Variants in STON1 observed in about 807,000 individuals in gnomAD.
STON1 encodes stonin 1.
A neutral mutation model predicts 60.9 loss-of-function variants in STON1; 79 were observed. The ratio of observed to expected loss-of-function variants is 1.30; its 90% confidence interval spans 1.08 to 1.56. The LOEUF (loss-of-function observed/expected upper bound fraction) is 1.56, where lower values mean the gene tolerates loss of function less well. Ranked by LOEUF, STON1 falls within the 40% of genes most tolerant of loss-of-function variation. STON1 has a pLI of 0.00. For missense variants in STON1, 1,166 were observed against 858.9 expected (o/e 1.36, Z -4.47); for synonymous variants, 363 against 306.9 (o/e 1.18, Z -1.91).
rs779755824 is a variant in STON1 at position 48,581,197 on chromosome 2, A to G, written c.564A>G (p.Lys188=). Residue 188 remains lysine (K), a synonymous_variant, in exon 2 of 4, where the codon AAA becomes AAG. Coordinates refer to ENST00000404752, the MANE Select transcript of STON1 (RefSeq NM_006873.4). The part of the protein sequence containing the change: ...EDCAFSSPFW[K]DEGSDSHFTL... ...GTGCTTTTTCAAGTCCATTTTGGAA[A>G]GATGAAGGCAGTGATTCCCATTTCA... 1 of 1,527,272 alleles carries G rather than the reference A, an allele frequency of 6.5e-7. No individual in the cohort carries two copies. Among genetic ancestry groups the G allele is most frequent in the Admixed American group, 2.2e-5 (1 of 44,856 alleles). The allele number at this position is 1,527,272 out of a possible 1,614,324, so 94.6% of individuals were successfully genotyped here. A position where few individuals can be genotyped will look rare whatever the true frequency, so the allele number is the denominator to read the frequency against.
intron 1 of STON1, among the ~76,000 whole-genome samples, chr2:48,554,424 C>A (rs943036820): frequency 1.3e-5 from 2 of 151,776 alleles, no homozygotes; most frequent in South Asian, 2.1e-4. Flanking sequence ...GGTTTTACCA[C>A]GTTGGCCAGG....
At chr2:48,583,746 T>C (rs1259794599) in intron 2 of STON1, among the ~76,000 whole-genome samples, 6 of 148,062 alleles carry the variant, frequency 4.1e-5, no homozygotes, top group Non-Finnish European at 7.5e-5. Context: ...GATCCAAATC[T>C]TTTTTTTCTT....
chr2:48,577,019 A>G (rs1017629106), intron 1 of STON1, among the ~76,000 whole-genome samples: 9 of 150,548 alleles, frequency 6.0e-5, no homozygotes, highest in Admixed American at 1.3e-4. Flanking sequence ...GCGCCACTGC[A>G]CTCCAGCCTG....
chr2:48,557,949 G>A (rs1672451897), intron 1 of STON1, among the ~76,000 whole-genome samples: 1 of 152,220 alleles, frequency 6.6e-6, no homozygotes, highest in Admixed American at 6.5e-5. Context: ...TCTGTCAGGT[G>A]CGGTGGCTCA....
rs1289431052 is a variant in STON1 at position 48,564,569 on chromosome 2, CCTT to C, written c.-47-16015_-47-16013del. 3.4e-3 allele frequency among the ~76,000 whole-genome samples: 123 copies of C among 36,468 alleles called. 15 individuals are homozygous for C. The highest frequency in any genetic ancestry group is 0.012 in the African/African-American group (110 of 9,046). The allele number at this position is 36,468 out of a possible 152,430, so 23.9% of individuals were successfully genotyped here. ...TTCTTCTTCTTCTTCTTCTTCTTCT[CCTT>C]CTCCTTCTCCTCCTCCTCCTCCTCC... On this transcript the variant is annotated intron_variant, in intron 1 of 3. Coordinates refer to ENST00000404752, the MANE Select transcript of STON1 (RefSeq NM_006873.4).
In STON1 at chr2:48,581,488, G is replaced by A. The variant is rs748181439; in HGVS notation, c.855G>A (p.Lys285=). The A allele has an allele frequency of 5.6e-6, 9 of 1,614,108 alleles. No individual in the cohort carries two copies. The African/African-American group carries it at 1.1e-4, about 19-fold the overall frequency. ...CTTTCATGCTGAGAATTCCTGAGAA[G>A]AAGAATATGATGTCTTCCCGGCAAT... ...GWSFMLRIPE[K]KNMMSSRQWG... is the part of the protein sequence containing the mutation. Residue 285 remains lysine (K), a synonymous_variant, in exon 2 of 4, where the codon AAG becomes AAA. Transcript: ENST00000404752.
At chr2:48,553,470 C>G (rs1032177819) in intron 1 of STON1, among the ~76,000 whole-genome samples, 3 of 150,174 alleles carry the variant, frequency 2.0e-5, no homozygotes, top group East Asian at 2.0e-4. Context: ...TGTTTTTTTC[C>G]TGTCCTGTCC....
intron 1 of STON1, among the ~76,000 whole-genome samples, chr2:48,535,505 G>A (rs1451654826): frequency 6.6e-6 from 1 of 152,164 alleles, no homozygotes; most frequent in Non-Finnish European, 1.5e-5. Flanking sequence ...AGAAGGATCA[G>A]CATTCTTAGA....
intron 2 of STON1, among the ~76,000 whole-genome samples, chr2:48,583,273 G>C (rs1332908258): frequency 6.6e-6 from 1 of 152,022 alleles, no homozygotes; most frequent in African/African-American, 2.4e-5. Context: ...TTTTTTAGTA[G>C]AGACGGGGTC....
At chr2:48,591,972 T>G (rs1320857978) in intron 3 of STON1, 117 bp downstream of exon 3, 14 of 1,381,546 alleles carry the variant, frequency 1.0e-5, no homozygotes, top group Middle Eastern at 1.9e-4. Flanking sequence ...AGATTTGCCC[T>G]AGAGAGGATC....
intron 1 of STON1, among the ~76,000 whole-genome samples, chr2:48,578,683 G>A (rs1351273111): frequency 6.8e-6 from 1 of 147,692 alleles, no homozygotes; most frequent in Admixed American, 6.9e-5. Context: ...CCTCCTCTCA[G>A]GTTCAAGCAA....
chr2:48,562,373 T>C (rs188765050), intron 1 of STON1, among the ~76,000 whole-genome samples: 326 of 152,326 alleles, frequency 2.1e-3, no homozygotes, highest in South Asian at 6.6e-3. Context: ...GCCTGCAGGT[T>C]TGACACCGCC....
chr2:48,592,017 T>C (rs1264843658), intron 3 of STON1, among the ~76,000 whole-genome samples, 162 bp downstream of exon 3: 1 of 152,176 alleles, frequency 6.6e-6, no homozygotes, highest in Non-Finnish European at 1.5e-5. Context: ...CCATTGAGCT[T>C]AGTTCTTCCT....
At chr2:48,531,023 T>C (rs758346792) in intron 1 of STON1, 1 of 152,262 alleles carries the variant, frequency 6.6e-6, no homozygotes, top group Non-Finnish European at 1.5e-5. Flanking sequence ...TTAGCGTTTC[T>C]AATATCTAAA....
At chr2:48,589,254 G>C (rs1674382984) in intron 2 of STON1, among the ~76,000 whole-genome samples, 1 of 152,010 alleles carries the variant, frequency 6.6e-6, no homozygotes, top group Non-Finnish European at 1.5e-5. Flanking sequence ...AAAATATTTT[G>C]GTTCAGGAGG....
At chr2:48,584,981 C>G (rs1040255663) in intron 2 of STON1, among the ~76,000 whole-genome samples, 1 of 152,114 alleles carries the variant, frequency 6.6e-6, no homozygotes, top group Admixed American at 6.5e-5. Context: ...AGGGAAGTTC[C>G]TACATTGTCT....
At position 48,554,732 on chromosome 2, in the gene STON1, T is replaced by TTATTTATTTATTTATTTATTTATA. The variant is rs1558589179; in HGVS notation, c.-48+24525_-48+24526insATTTATTTATTTATATATTTATTT. Among the ~76,000 whole-genome samples the TTATTTATTTATTTATTTATTTATA allele has an allele frequency of 4.1e-4, 28 of 68,556 alleles. 2 individuals are homozygous for TTATTTATTTATTTATTTATTTATA. Among genetic ancestry groups the TTATTTATTTATTTATTTATTTATA allele is most frequent in the African/African-American group, 1.3e-3 (26 of 19,520 alleles). The allele number at this position is 68,556 out of a possible 152,430, so 45.0% of individuals were successfully genotyped here. The stretch of plus-strand genomic sequence containing the variant: ...ATTTTTTTTTTTTTTTTTTATTTAT[T>TTATTTATTTATTTATTTATTTATA]TATTTATTTTTTTATTGATAATTCT... On this transcript the variant is annotated intron_variant, in intron 1 of 3. Transcript: ENST00000404752.
intron 1 of STON1, among the ~76,000 whole-genome samples, chr2:48,547,278 A>T (rs1319986060): frequency 1.3e-5 from 2 of 152,232 alleles, no homozygotes; most frequent in Admixed American, 1.3e-4. Flanking sequence ...TTAGGCTTAA[A>T]GTCAAATGAC....
At chr2:48,551,077 A>G (rs1672083996) in intron 1 of STON1, among the ~76,000 whole-genome samples, 1 of 151,734 alleles carries the variant, frequency 6.6e-6, no homozygotes, top group Non-Finnish European at 1.5e-5. Flanking sequence ...AGGGGGGTAC[A>G]TTTGCAGGTT....
Sources: allele counts gnomAD v4.1 joint callset (sites outside exome capture counted in the v4.1 genomes callset), GRCh38; gene constraint gnomAD v4.1.1; transcripts MANE v1.5; gene names NCBI Gene and HGNC (gene_info 2026-07-23, HGNC 2026-07-21).